The following TMEM51 variants were observed in gnomAD, a reference collection of about 807,000 sequenced individuals.
The protein encoded by TMEM51 is transmembrane protein 51.
In TMEM51, 8 loss-of-function variants were observed where a neutral mutation model predicts 13.6. That is an observed-to-expected ratio of 0.59 (90% confidence interval 0.35 to 1.07). The LOEUF is 1.07. TMEM51 is among the 50% of genes least tolerant of loss of function. The probability of loss-of-function intolerance (pLI) is 0.02; values close to 1 mark genes in which losing one functional copy is unlikely to be tolerated. For missense variants in TMEM51, 279 were observed against 330.7 expected (o/e 0.84, Z 1.21); for synonymous variants, 147 against 144.4 (o/e 1.02, Z -0.13).
rs561531916 is a variant in TMEM51, at chr1:15,199,582, C to G, written c.-266-10908C>G. ...AAGAGGAAACTGAGATTCTGAGAGG[C>G]GTAAGGAGCAGCTACTGAAGCAGAT... On this transcript the variant is annotated intron_variant, in intron 1 of 3. Transcript: ENST00000376008. Among the ~76,000 whole-genome samples the G allele has an allele frequency of 3.3e-5, 5 of 152,262 alleles. No homozygotes were observed. The East Asian group carries it at 9.7e-4, about 29-fold the overall frequency.
rs1393634406 is a variant in TMEM51, at chr1:15,215,385, G to A, written c.298G>A (p.Val100Ile). The change falls in exon 3 of 4, where the codon GTC (valine) becomes ATC (isoleucine). Residue 100 changes from valine (V) to isoleucine (I), a missense_variant. Physicochemically the swap from Val to Ile is conservative, Grantham distance 29. Coordinates refer to ENST00000376008, the MANE Select transcript of TMEM51 (RefSeq NM_001136218.2). The stretch of plus-strand genomic sequence containing the variant: ...GCGGCAGGGCGAGGACCTGGCCCAT[G>A]TCCAGCACCCGACAGGCGCTGGGCC... The part of the protein sequence containing the change: ...KQRQGEDLAH[V>I]QHPTGAGPHA... 2 of 1,608,224 alleles carry A rather than the reference G, an allele frequency of 1.2e-6. No individual in the cohort carries two copies. The highest frequency in any genetic ancestry group is 1.1e-5 in the South Asian group (1 of 90,496).
rs78275282 is a variant in TMEM51, at chr1:15,186,466, G to A, written c.-266-24024G>A. 9.7e-3 allele frequency among the ~76,000 whole-genome samples: 1,481 copies of A among 152,288 alleles called. 20 individuals carry two copies. Among genetic ancestry groups the A allele is most frequent in the African/African-American group, 0.029 (1,206 of 41,570 alleles). ...GTTTGTGACTTGCCCCTGAATGAGG[G>A]AGAGCGGGGGGTCATGGATGACCTT... On this transcript the variant is annotated intron_variant, in intron 1 of 3. Coordinates refer to ENST00000376008, the MANE Select transcript of TMEM51 (RefSeq NM_001136218.2).
chr1:15,201,690 G>A (rs1431752735), intron 1 of TMEM51, among the ~76,000 whole-genome samples: 2 of 152,166 alleles, frequency 1.3e-5, no homozygotes, highest in East Asian at 1.9e-4. Context: ...ATGAGGGAAC[G>A]GGGAATGGCG....
intron 1 of TMEM51, among the ~76,000 whole-genome samples, chr1:15,189,461 A>G (rs1417603438): frequency 6.6e-6 from 1 of 152,032 alleles, no homozygotes; most frequent in East Asian, 1.9e-4. Flanking sequence ...GGCTGCCTCC[A>G]TTCCATGCCT....
intron 1 of TMEM51, among the ~76,000 whole-genome samples, chr1:15,186,181 G>T (rs564442183): frequency 6.6e-6 from 1 of 152,342 alleles, no homozygotes; most frequent in South Asian, 2.1e-4. Flanking sequence ...CCTCAGGTTG[G>T]GGGTAAATGG....
intron 1 of TMEM51, among the ~76,000 whole-genome samples, chr1:15,174,375 TG>T (rs1643390428): frequency 6.6e-6 from 1 of 152,182 alleles, no homozygotes; most frequent in Admixed American, 6.5e-5. Context: ...CCTGAGTAGC[TG>T]GGACTATGGA....
At chr1:15,196,105 G>A (rs1202909769) in intron 1 of TMEM51, among the ~76,000 whole-genome samples, 1 of 152,138 alleles carries the variant, frequency 6.6e-6, no homozygotes, top group Admixed American at 6.5e-5. Flanking sequence ...ACTGCATGGT[G>A]TGCGCCTAGC....
At chr1:15,158,398 TAC>T (rs1399545541) in intron 1 of TMEM51, among the ~76,000 whole-genome samples, 2 of 152,168 alleles carry the variant, frequency 1.3e-5, no homozygotes, top group Non-Finnish European at 2.9e-5. Context: ...CCCAAATTCA[TAC>T]AGAGGGAGGG....
At chr1:15,155,372 G>A (rs1203850749) in intron 1 of TMEM51, among the ~76,000 whole-genome samples, 1 of 152,198 alleles carries the variant, frequency 6.6e-6, no homozygotes, top group Admixed American at 6.5e-5. Context: ...CCACTTGCTG[G>A]CTGTGTGACC....
chr1:15,197,564 C>G (rs1429456265), intron 1 of TMEM51, among the ~76,000 whole-genome samples: 1 of 152,190 alleles, frequency 6.6e-6, no homozygotes, highest in South Asian at 2.1e-4. Flanking sequence ...CCAAAAGCCC[C>G]GTACTGAGGC....
At chr1:15,200,946 G>A (rs1026396138) in intron 1 of TMEM51, among the ~76,000 whole-genome samples, 1 of 152,166 alleles carries the variant, frequency 6.6e-6, no homozygotes, top group African/African-American at 2.4e-5. Context: ...CTTCGTGGGA[G>A]TGGGGGGCCC....
intron 3 of TMEM51, among the ~76,000 whole-genome samples, chr1:15,216,258 A>G (rs56039381): frequency 0.029 from 4,453 of 152,196 alleles, 206 homozygotes; most frequent in African/African-American, 0.1. Context: ...GCCACCAACA[A>G]ATTTAAAAGA....
intron 1 of TMEM51, among the ~76,000 whole-genome samples, chr1:15,167,338 A>C (rs1260108820): frequency 7.1e-6 from 1 of 141,164 alleles, no homozygotes; most frequent in Non-Finnish European, 1.5e-5. Flanking sequence ...AAAAAAAAAA[A>C]AAAAAAAAAA....
At position 15,215,309 on chromosome 1, in the gene TMEM51, G is replaced by A. The variant is rs751616475; in HGVS notation, c.222G>A (p.Val74=). The change falls in exon 3 of 4, where the codon GTG becomes GTA. Residue 74 remains valine, a synonymous_variant. Transcript: ENST00000376008. ...SVAYVLVGAG[V]MLLLLSICLS... The stretch of plus-strand genomic sequence containing the variant: ...CCTACGTGCTGGTCGGGGCCGGGGT[G>A]ATGCTGCTGCTGCTTTCTATCTGCC... The A allele has an allele frequency of 6.2e-7, 1 of 1,614,188 alleles. No individual in the cohort carries two copies. Among genetic ancestry groups the A allele is most frequent in the Non-Finnish European group, 8.5e-7 (1 of 1,180,048 alleles).
In TMEM51 at chr1:15,193,575, CTTTT is replaced by C. The variant is rs3078881; in HGVS notation, c.-266-16898_-266-16895del. ...CATTTTCTTTTTCTTTTCTTTCTTT[CTTTT>C]TTTTTTTTTTTTTTTTGAGACAGGG... On this transcript the variant is annotated intron_variant, in intron 1 of 3. Transcript: ENST00000376008. Among the ~76,000 whole-genome samples, 824 of 114,598 alleles carry C rather than the reference CTTTT, an allele frequency of 7.2e-3. 5 individuals carry two copies. The highest frequency in any genetic ancestry group is 0.039 in the South Asian group (140 of 3,564). 75.2% of individuals were successfully genotyped at this position (114,598 alleles called of 152,430 possible). A position where few individuals can be genotyped will look rare whatever the true frequency, so the allele number is the denominator to read the frequency against.
intron 1 of TMEM51, chr1:15,168,790 C>G (rs1175194112): frequency 4.6e-6 from 6 of 1,297,774 alleles, no homozygotes; most frequent in Admixed American, 2.3e-5. Flanking sequence ...GAAAAATATT[C>G]AAGAAGAGTT....
intron 1 of TMEM51, among the ~76,000 whole-genome samples, chr1:15,156,601 C>T (rs1557827378): frequency 6.6e-6 from 1 of 152,238 alleles, no homozygotes; most frequent in Admixed American, 6.5e-5. Context: ...AGGAATCCTC[C>T]TCTTGCAGCG....
chr1:15,165,004 T>A (rs1642942622), intron 1 of TMEM51, among the ~76,000 whole-genome samples: 1 of 152,118 alleles, frequency 6.6e-6, no homozygotes. Context: ...GGTTTCACCA[T>A]GTTGGCCAGG....
At chr1:15,206,505 C>A (rs1644253284) in intron 1 of TMEM51, among the ~76,000 whole-genome samples, 1 of 152,152 alleles carries the variant, frequency 6.6e-6, no homozygotes. Context: ...CACAGGTGGA[C>A]TTCACAGTCA....
Sources: allele counts gnomAD v4.1 joint callset (sites outside exome capture counted in the v4.1 genomes callset), GRCh38; gene constraint gnomAD v4.1.1; transcripts MANE v1.5; gene names NCBI Gene and HGNC (gene_info 2026-07-23, HGNC 2026-07-21).